TTLL8: variants seen among roughly 807,000 people sequenced by gnomAD.
TTLL8 encodes the protein protein monoglycylase TTLL8.
Under a neutral mutation model 77.8 loss-of-function variants are expected in TTLL8, and 65 were observed. The observed-to-expected ratio is 0.84, with a 90% CI of 0.68 to 1.03. TTLL8 has a LOEUF of 1.03. Ranked by LOEUF, TTLL8 falls within the 50% of genes least tolerant of loss-of-function variation. TTLL8 has a pLI of 0.00. For synonymous variants in TTLL8, 402 were observed against 422.8 expected, an observed-to-expected ratio of 0.95 and a Z score of 0.60; for missense variants, 910 against 1,004.5, an observed-to-expected ratio of 0.91 and a Z score of 1.27.
rs750226737 is a variant in TTLL8, at chr22:50,031,923, G to A, written c.1470C>T (p.Ala490=). The A allele has an allele frequency of 3.7e-5, 51 of 1,366,898 alleles. 1 individual carries two copies. In the South Asian group the frequency reaches 5.8e-4, roughly 16 times the overall value. The allele number at this position is 1,366,898 out of a possible 1,614,324, so 84.7% of individuals were successfully genotyped here. ...CCACGTGGTCCTGGGCCACCTTCAT[G>A]GCGTGGGCGATGGCCTTCTTCATGG... The change falls in exon 11 of 14, where the codon GCC becomes GCT. Residue 490 remains alanine, a synonymous_variant. Coordinates refer to ENST00000266182, the Ensembl canonical transcript of TTLL8.
chr22:50,030,496 G>C, exon 12 of TTLL8: 1 of 1,343,498 alleles, frequency 7.4e-7, no homozygotes, highest in South Asian at 1.2e-5. Flanking sequence ...ACAGGCTCCA[G>C]CGGGTGCGCA....
rs1380805858 is a variant in TTLL8 at position 50,041,407 on chromosome 22, C to T, written c.831-130G>A. The T allele has an allele frequency of 1.0e-6, 1 of 985,214 alleles. No individual in the cohort carries two copies. Among genetic ancestry groups the T allele is most frequent in the Admixed American group, 3.2e-5 (1 of 31,224 alleles). 61.0% of individuals were successfully genotyped at this position (985,214 alleles called of 1,614,324 possible). ...ACACCCCAATACCCAACAAGTATCC[C>T]AGACATCCAGACAGACACCACAATA... On this transcript the variant is annotated intron_variant, in intron 7 of 13. Transcript: ENST00000266182. This position sits in a 1 kb window ranked among gnomAD's most constrained non-coding sequence, Gnocchi z 4.3.
chr22:50,046,976 A>G, intron 4 of TTLL8, 192 bp downstream of exon 6: 17 of 653,574 alleles, frequency 2.6e-5, no homozygotes, highest in Non-Finnish European at 3.2e-5. Context: ...ACACAGAGCA[A>G]AGGGCACAGG....
chr22:50,045,896 G>A (rs540049150), exon 5 of TTLL8: 1 of 1,360,836 alleles, frequency 7.3e-7, no homozygotes, highest in African/African-American at 1.5e-5. Context: ...AGAGGCTGTA[G>A]CAGCGTGGGA....
chr22:50,055,340 G>A (rs1391368706), upstream of TTLL8: 1 of 1,289,558 alleles, frequency 7.8e-7, no homozygotes, highest in African/African-American at 1.5e-5. Flanking sequence ...AAAAGAGAAG[G>A]AGGACATCAA....
upstream of TTLL8, among the ~76,000 whole-genome samples, chr22:50,055,603 C>T (rs1337096897): frequency 6.7e-6 from 1 of 149,354 alleles, no homozygotes; most frequent in Non-Finnish European, 1.5e-5. Flanking sequence ...TGTGGTGAGC[C>T]GAGATCGCGC....
exon 2 of TTLL8, chr22:50,050,226 A>T (rs1163899314): frequency 7.5e-7 from 1 of 1,340,484 alleles, no homozygotes; most frequent in Non-Finnish European, 9.9e-7. Flanking sequence ...TAGTGTCCGT[A>T]GATAGAGAAA....
exon 3 of TTLL8, chr22:50,049,252 C>A (rs1213045207): frequency 3.7e-6 from 5 of 1,367,544 alleles, no homozygotes; most frequent in Non-Finnish European, 4.9e-6. Flanking sequence ...GACGTACCAT[C>A]ACGTCGTGGA....
At chr22:50,035,322 T>G (rs2061328522) in intron 8 of TTLL8, among the ~76,000 whole-genome samples, 1 of 152,266 alleles carries the variant, frequency 6.6e-6, no homozygotes, top group East Asian at 1.9e-4. Flanking sequence ...GGGAAGCCCC[T>G]GAAGACACAG....
exon 11 of TTLL8, chr22:50,032,039 G>A (rs2061299371): frequency 7.3e-7 from 1 of 1,366,172 alleles, no homozygotes; most frequent in Non-Finnish European, 9.8e-7. Flanking sequence ...TTGTGTGCGG[G>A]CAGCAGGGGG....
intron 2 of TTLL8, 57 bp downstream of exon 4, chr22:50,050,052 C>G (rs1167021939): frequency 7.4e-7 from 1 of 1,343,868 alleles, no homozygotes; most frequent in Non-Finnish European, 9.9e-7. Flanking sequence ...GCCGACTCCT[C>G]CTGCCCGTGA....
intron 8 of TTLL8, among the ~76,000 whole-genome samples, chr22:50,039,907 C>T (rs911358193): frequency 3.4e-5 from 5 of 147,868 alleles, no homozygotes; most frequent in East Asian, 2.1e-4. Context: ...ACTGACCCCA[C>T]GTGTATCAGT....
intron 12 of TTLL8, among the ~76,000 whole-genome samples, chr22:50,023,947 G>T (rs951284273): frequency 2.6e-5 from 4 of 152,032 alleles, no homozygotes; most frequent in Non-Finnish European, 4.4e-5. Context: ...TTGAACTCAG[G>T]AGGCAGAGGT....
In TTLL8 at chr22:50,041,837, G is replaced by T. The variant is rs2061373575; in HGVS notation, c.644-30C>A. ...AACCCAGACACAGGCACATGCAGTG[G>T]GAACCTCACCCAGGGGCAGCCCTGC... is the stretch of plus-strand genomic sequence containing the variant. On this transcript the variant is annotated intron_variant, in intron 6 of 13. Coordinates refer to ENST00000266182, the Ensembl canonical transcript of TTLL8. This position sits in a 1 kb window ranked among gnomAD's most constrained non-coding sequence, Gnocchi z 4.3. The T allele has an allele frequency of 1.5e-6, 2 of 1,343,982 alleles. No individual in the cohort carries two copies. Among genetic ancestry groups the T allele is most frequent in the African/African-American group, 3.0e-5 (2 of 67,252 alleles). The allele number at this position is 1,343,982 out of a possible 1,614,324, so 83.3% of individuals were successfully genotyped here. A position where few individuals can be genotyped will look rare whatever the true frequency, so the allele number is the denominator to read the frequency against.
At chr22:50,029,882 G>A (rs1013666476) in intron 12 of TTLL8, among the ~76,000 whole-genome samples, 1 of 152,080 alleles carries the variant, frequency 6.6e-6, no homozygotes, top group African/African-American at 2.4e-5. Flanking sequence ...CCTGCCCCAC[G>A]TCCTTCTCCG....
chr22:50,053,235 A>G (rs2061453578), intron 1 of TTLL8, among the ~76,000 whole-genome samples: 1 of 152,006 alleles, frequency 6.6e-6, no homozygotes, highest in Non-Finnish European at 1.5e-5. Context: ...AAAAAAAAAA[A>G]AAAGCACACT....
chr22:50,043,594 G>C (rs2061389233), intron 6 of TTLL8, among the ~76,000 whole-genome samples: 1 of 151,968 alleles, frequency 6.6e-6, no homozygotes, highest in Admixed American at 6.6e-5. Context: ...TAGATGGATA[G>C]ATAGATAAAC....
chr22:50,029,829 C>T (rs1038215181), intron 12 of TTLL8, among the ~76,000 whole-genome samples: 2 of 152,198 alleles, frequency 1.3e-5, no homozygotes, highest in African/African-American at 4.8e-5. Flanking sequence ...AAGACCCCCA[C>T]GCGGGAGGAA....
chr22:50,045,454 A>G (rs1033194293), intron 5 of TTLL8, 65 bp from the exon 8 acceptor site: 4 of 1,318,216 alleles, frequency 3.0e-6, no homozygotes, highest in South Asian at 1.2e-5. Context: ...AGATGGGGCC[A>G]GGGCCACGGA....
Sources: gnomAD v4.1 joint callset for allele counts (sites outside exome capture counted in the v4.1 genomes callset) on GRCh38, gnomAD v4.1.1 for gene constraint, Gnocchi (gnomAD v3.1) non-coding constraint, MANE v1.5 for transcripts, NCBI Gene and HGNC (gene_info 2026-07-23, HGNC 2026-07-21) for gene names.